ATP6V1D: variants seen among roughly 807,000 people sequenced by gnomAD.
The protein encoded by ATP6V1D is ATPase H+ transporting V1 subunit D.
Under a neutral mutation model 39.4 loss-of-function variants are expected in ATP6V1D, and 20 were observed. That is an observed-to-expected ratio of 0.51 (90% CI 0.36 to 0.74). The LOEUF (loss-of-function observed/expected upper bound fraction) is 0.74. Among genes scored for constraint, ATP6V1D ranks in the 30% least tolerant of loss-of-function variants. The pLI is 0.00. For missense variants in ATP6V1D, 228 were observed against 291.6 expected, an observed-to-expected ratio of 0.78 and a Z score of 1.59; for synonymous variants, 100 against 100.5, an observed-to-expected ratio of 0.99 and a Z score of 0.03.
At chr14:67,347,290 G>T in intron 5 of ATP6V1D, 119 bp downstream of exon 5, 2 of 782,486 alleles carry the variant, frequency 2.6e-6, no homozygotes, top group Non-Finnish European at 4.2e-6. Context: ...TATCAAATAA[G>T]AGGATTTCTA....
At chr14:67,354,515 A>G (rs2085673453) in intron 1 of ATP6V1D, among the ~76,000 whole-genome samples, 1 of 152,220 alleles carries the variant, frequency 6.6e-6, no homozygotes, top group Admixed American at 6.5e-5. Flanking sequence ...GGTTTAAAAG[A>G]TGGGTACTCC....
intron 1 of ATP6V1D, 69 bp downstream of exon 1, chr14:67,359,589 A>AGG: frequency 6.4e-7 from 1 of 1,560,410 alleles, no homozygotes; most frequent in Non-Finnish European, 8.8e-7. Context: ...ACTGTGGCCC[A>AGG]GGGTCTGAAG....
At chr14:67,352,085 G>A (rs1437421637) in intron 2 of ATP6V1D, among the ~76,000 whole-genome samples, 1 of 151,770 alleles carries the variant, frequency 6.6e-6, no homozygotes, top group Non-Finnish European at 1.5e-5. Context: ...AGGTGGTTGA[G>A]ACCACCCTGG....
In ATP6V1D at chr14:67,353,031, G is replaced by T. The variant is rs1353111489; in HGVS notation, c.51C>A (p.Thr17=). Residue 17 remains threonine, a synonymous_variant, in exon 2 of 9, where the codon ACC becomes ACA. Coordinates refer to ENST00000216442, the MANE Select transcript of ATP6V1D (RefSeq NM_015994.4). ...CTCCCTTTAAACGAGCCTTCATGATGGTCTGTGCCCTATATAAACATAAAC... is the reference window on the plus strand; with the variant it reads ...CTCCCTTTAAACGAGCCTTCATGATTGTCTGTGCCCTATATAAACATAAAC... ...IEIFPSRMAQ[T]IMKARLKGAQ... is the part of the protein sequence containing the mutation. The T allele has an allele frequency of 4.3e-6, 7 of 1,611,626 alleles. No individual in the cohort carries two copies. The highest frequency in any genetic ancestry group is 1.1e-5 in the South Asian group (1 of 90,610).
At chr14:67,346,959 T>C (rs1280805276) in intron 5 of ATP6V1D, among the ~76,000 whole-genome samples, 1 of 152,196 alleles carries the variant, frequency 6.6e-6, no homozygotes, top group East Asian at 1.9e-4. Context: ...TTTTAAGATA[T>C]GTATAATGTT....
In ATP6V1D at chr14:67,352,931, T is replaced by C; in HGVS notation, c.151A>G (p.Ile51Val). ...TLRFRQILKK[I>V]IETKMLMGEV... ...AGAAAAGTTCATTCTACCTCTATTA[T>C]CTTCTTTAGGATCTGTCGAAATCGA... The change falls in exon 2 of 9, where the codon ATA (isoleucine) becomes GTA (valine). Residue 51 changes from isoleucine (I) to valine (V), a missense_variant. Ile to Val is a conservative substitution (Grantham distance 29). Coordinates refer to ENST00000216442, the MANE Select transcript of ATP6V1D (RefSeq NM_015994.4). 6.2e-7 allele frequency: 1 copy of C among 1,604,154 alleles called. No individual in the cohort carries two copies. The highest frequency in any genetic ancestry group is 8.5e-7 in the Non-Finnish European group (1 of 1,172,152).
Position 67,351,372 on chromosome 14 carries a change from T to G in ATP6V1D, c.160-682A>C, listed in dbSNP as rs145355362. 9.7e-3 allele frequency among the ~76,000 whole-genome samples: 1,478 copies of G among 152,238 alleles called. 74 individuals are homozygous for G. The highest frequency in any genetic ancestry group is 0.089 in the Admixed American group (1,356 of 15,284). Reference sequence around the variant, plus strand: ...AGATAAAGGTTTAAAGAAAAAAAACTGTAAAGCAACAAAAGAAAATGTGGC... The same window carrying G: ...AGATAAAGGTTTAAAGAAAAAAAACGGTAAAGCAACAAAAGAAAATGTGGC... On this transcript the variant is annotated intron_variant, in intron 2 of 8. Coordinates refer to ENST00000216442, the MANE Select transcript of ATP6V1D (RefSeq NM_015994.4).
chr14:67,349,785 T>C (rs540692006), intron 3 of ATP6V1D, among the ~76,000 whole-genome samples: 7 of 152,324 alleles, frequency 4.6e-5, no homozygotes, highest in African/African-American at 9.6e-5. Flanking sequence ...ACACTATTGA[T>C]TGATCTCCAC....
chr14:67,338,485 A>G lies in ATP6V1D; in HGVS notation c.*136T>C. 1.1e-6 allele frequency: 1 copy of G among 942,596 alleles called. No homozygotes were observed. The highest frequency in any genetic ancestry group is 1.7e-5 in the African/African-American group (1 of 60,272). The allele number at this position is 942,596 out of a possible 1,614,324, so 58.4% of individuals were successfully genotyped here. A position where few individuals can be genotyped will look rare whatever the true frequency, so the allele number is the denominator to read the frequency against. On this transcript the variant is annotated 3_prime_UTR_variant, in exon 9 of 9. Transcript: ENST00000216442. ...TGATTCTGCAAAAGTAATCCCATAAATAGACATCTAGGTAAATTTTACAAC... is the reference window on the plus strand; with the variant it reads ...TGATTCTGCAAAAGTAATCCCATAAGTAGACATCTAGGTAAATTTTACAAC...
intron 8 of ATP6V1D, among the ~76,000 whole-genome samples, chr14:67,339,710 T>C (rs972336180): frequency 6.6e-6 from 1 of 152,246 alleles, no homozygotes; most frequent in South Asian, 2.1e-4. Context: ...CTCCTGAACA[T>C]GAAATACATA....
chr14:67,346,419 C>T (rs912724587), intron 5 of ATP6V1D, among the ~76,000 whole-genome samples: 2 of 152,206 alleles, frequency 1.3e-5, no homozygotes, highest in Non-Finnish European at 1.5e-5. Context: ...TCAAGCAATC[C>T]TCCCACCTCG....
At chr14:67,358,011 G>A (rs1165241528) in intron 1 of ATP6V1D, among the ~76,000 whole-genome samples, 1 of 152,128 alleles carries the variant, frequency 6.6e-6, no homozygotes, top group Non-Finnish European at 1.5e-5. Flanking sequence ...AAGGGAACGA[G>A]AGGGGTCTAT....
chr14:67,353,914 A>C (rs1288961762), intron 1 of ATP6V1D: 1 of 151,820 alleles, frequency 6.6e-6, no homozygotes, highest in Non-Finnish European at 1.5e-5. Flanking sequence ...TCAGCTTCCC[A>C]AAGTGCTGGG....
rs1300691949 is a variant in ATP6V1D at position 67,338,013 on chromosome 14, A to C, written c.*608T>G. 6.6e-6 allele frequency: 1 copy of C among 152,232 alleles called. No individual in the cohort carries two copies. Among genetic ancestry groups the C allele is most frequent in the Non-Finnish European group, 1.5e-5 (1 of 68,044 alleles). 9.4% of individuals were successfully genotyped at this position (152,232 alleles called of 1,614,324 possible). A position where few individuals can be genotyped will look rare whatever the true frequency, so the allele number is the denominator to read the frequency against. On this transcript the variant is annotated 3_prime_UTR_variant, in exon 9 of 9. Transcript: ENST00000216442. Reference sequence around the variant, plus strand: ...GTCTGCAGAGAAAGCTCTGGCTGACACTACTGATCTGAGCATGAGAACATG... The same window carrying C: ...GTCTGCAGAGAAAGCTCTGGCTGACCCTACTGATCTGAGCATGAGAACATG...
chr14:67,348,607 C>T (rs948404550), intron 4 of ATP6V1D, among the ~76,000 whole-genome samples: 3 of 151,816 alleles, frequency 2.0e-5, no homozygotes, highest in African/African-American at 7.3e-5. Flanking sequence ...CTGGAACCTC[C>T]GCTTCCCGGG....
chr14:67,346,578 G>A (rs2085621035), intron 5 of ATP6V1D, among the ~76,000 whole-genome samples: 1 of 152,232 alleles, frequency 6.6e-6, no homozygotes, highest in African/African-American at 2.4e-5. Context: ...GCCTCCCAAA[G>A]TGCTGGGATT....
intron 8 of ATP6V1D, chr14:67,340,032 C>CA (rs34358102): frequency 0.072 from 5,142 of 71,722 alleles, 165 homozygotes; most frequent in Non-Finnish European, 0.092. Context: ...CTCTGTCTCA[C>CA]AAAAAAAAAA....
chr14:67,353,675 G>C (rs2085669467), intron 1 of ATP6V1D: 2 of 152,078 alleles, frequency 1.3e-5, no homozygotes, highest in South Asian at 4.2e-4. Flanking sequence ...ATTTTTAGTA[G>C]AGACAGGGTT....
At chr14:67,347,936 G>C (rs1017714394) in intron 4 of ATP6V1D, among the ~76,000 whole-genome samples, 11 of 148,968 alleles carry the variant, frequency 7.4e-5, no homozygotes, top group Non-Finnish European at 1.5e-4. Flanking sequence ...TTTTGAGACA[G>C]AGTCTCACTC....
Sources: allele counts gnomAD v4.1 joint callset (sites outside exome capture counted in the v4.1 genomes callset), GRCh38; gene constraint gnomAD v4.1.1; transcripts MANE v1.5; gene names NCBI Gene and HGNC (gene_info 2026-07-23, HGNC 2026-07-21).